INTU: variants seen among roughly 807,000 people sequenced by gnomAD.
INTU encodes the protein inturned planar cell polarity protein.
A neutral mutation model predicts 100.5 loss-of-function variants in INTU; 68 were observed. The ratio of observed to expected loss-of-function variants is 0.68; its 90% CI spans 0.56 to 0.83. The LOEUF (loss-of-function observed/expected upper bound fraction) is 0.83, where lower values mean the gene tolerates loss of function less well. Among genes scored for constraint, INTU ranks in the 40% least tolerant of loss-of-function variants. The probability of loss-of-function intolerance (pLI) is 0.00; values close to 1 mark genes in which losing one functional copy is unlikely to be tolerated. For missense variants in INTU, 1,071 were observed against 1,114.7 expected (o/e 0.96, Z 0.56); for synonymous variants, 357 against 395.7 (o/e 0.90, Z 1.16).
chr4:127,677,732 C>T lies in INTU; in HGVS notation c.1181+3519C>T, dbSNP rs555302743. On this transcript the variant is annotated intron_variant, in intron 6 of 15. Transcript: ENST00000335251. ...AAGGAACGCAGCTCCTCACCAGCAA[C>T]GGAACACAGCTGGACGGAGAATGAC... is the stretch of plus-strand genomic sequence containing the variant. 6.2e-4 allele frequency among the ~76,000 whole-genome samples: 94 copies of T among 152,302 alleles called. 1 individual carries two copies. The highest frequency in any genetic ancestry group is 2.1e-3 in the African/African-American group (86 of 41,560).
chr4:127,703,376 C>T (rs1427862229), intron 9 of INTU, among the ~76,000 whole-genome samples: 1 of 152,280 alleles, frequency 6.6e-6, no homozygotes, highest in East Asian at 1.9e-4. Context: ...CAAATACCTT[C>T]GCTTATCCCT....
At position 127,678,619 on chromosome 4, in the gene INTU, A is replaced by C. The variant is rs548810134; in HGVS notation, c.1181+4406A>C. ...GAAGGAAGCACTAAACATGGAAAGGAACAACTGGTACCGGCCACTGCAAAA... is the reference window on the plus strand; with the variant it reads ...GAAGGAAGCACTAAACATGGAAAGGCACAACTGGTACCGGCCACTGCAAAA... On this transcript the variant is annotated intron_variant, in intron 6 of 15. Transcript: ENST00000335251. 7.2e-5 allele frequency among the ~76,000 whole-genome samples: 11 copies of C among 152,340 alleles called. No individual in the cohort carries two copies. The South Asian group carries it at 2.3e-3, about 32-fold the overall frequency.
Position 127,656,695 on chromosome 4 carries a change from C to T in INTU, c.742C>T (p.Leu248=), listed in dbSNP as rs779286177. Residue 248 remains leucine, a synonymous_variant, in exon 3 of 16, where the codon CTG becomes TTG. Coordinates refer to ENST00000335251, the MANE Select transcript of INTU (RefSeq NM_015693.4). ...DVTTENIERV[L]SCIPGPMQVK... is the part of the protein sequence containing the mutation. ...TACTACTGAAAACATCGAGAGAGTT[C>T]TGTCTTGCATTCCTGGACCTATGCA... The T allele has an allele frequency of 6.2e-7, 1 of 1,610,216 alleles. No individual in the cohort carries two copies. The highest frequency in any genetic ancestry group is 8.5e-7 in the Non-Finnish European group (1 of 1,177,014).
intron 3 of INTU, among the ~76,000 whole-genome samples, chr4:127,662,850 T>C (rs1553974159): frequency 6.6e-6 from 1 of 152,216 alleles, no homozygotes; most frequent in Non-Finnish European, 1.5e-5. Context: ...TAGCGTTTAC[T>C]TTCCTTGGCC....
chr4:127,661,099 A>G (rs1259518089), intron 3 of INTU, among the ~76,000 whole-genome samples: 2 of 152,164 alleles, frequency 1.3e-5, no homozygotes, highest in African/African-American at 4.8e-5. Flanking sequence ...TCAGAAGAAT[A>G]GTGGCTGAAA....
At chr4:127,669,502 C>T (rs776441051) in intron 5 of INTU, among the ~76,000 whole-genome samples, 1 of 151,732 alleles carries the variant, frequency 6.6e-6, no homozygotes, top group Admixed American at 6.6e-5. Context: ...ATCTTTTAAG[C>T]ATGGCATTAT....
At chr4:127,695,481 T>C (rs1245656651) in intron 8 of INTU, among the ~76,000 whole-genome samples, 2 of 152,046 alleles carry the variant, frequency 1.3e-5, no homozygotes, top group African/African-American at 4.8e-5. Context: ...GTGGCACATG[T>C]CTATAGTGTC....
chr4:127,704,850 G>T (rs910780154), intron 10 of INTU, among the ~76,000 whole-genome samples: 3 of 151,976 alleles, frequency 2.0e-5, no homozygotes, highest in African/African-American at 7.2e-5. Flanking sequence ...CACTTTGGGG[G>T]GCCGAGGCAG....
chr4:127,650,587 A>C (rs1727809553), intron 2 of INTU, among the ~76,000 whole-genome samples: 1 of 151,944 alleles, frequency 6.6e-6, no homozygotes. Context: ...TCCATGGTGT[A>C]TATGTGCCAC....
Position 127,705,765 on chromosome 4 carries a change from G to A in INTU, c.1741G>A (p.Val581Ile). 1 of 1,614,092 alleles carries A rather than the reference G, an allele frequency of 6.2e-7. No homozygotes were observed. Among genetic ancestry groups the A allele is most frequent in the Non-Finnish European group, 8.5e-7 (1 of 1,179,958 alleles). The stretch of plus-strand genomic sequence containing the variant: ...ACCTTTGGCAGACTCAAGCACTGAA[G>A]TCTTTCCGGAACCTGAAGGAAGATA... ...LRPLADSSTEVFPEPEGRYFL... is the reference protein window; with the variant it reads ...LRPLADSSTEIFPEPEGRYFL... The change falls in exon 11 of 16, where the codon GTC becomes ATC. Residue 581 changes from valine (V) to isoleucine (I), a missense_variant. By Grantham distance (29) the Val-to-Ile change is conservative. Transcript: ENST00000335251.
intron 8 of INTU, among the ~76,000 whole-genome samples, chr4:127,698,791 A>C (rs1322658631): frequency 1.3e-5 from 2 of 152,200 alleles, no homozygotes; most frequent in Admixed American, 6.5e-5. Context: ...TAGCCTGTAG[A>C]GTTTAGTAGC....
chr4:127,640,590 T>TAC (rs1178126478), intron 1 of INTU, among the ~76,000 whole-genome samples: 10 of 23,962 alleles, frequency 4.2e-4, no homozygotes, highest in Admixed American at 2.5e-3. Flanking sequence ...TATATATATA[T>TAC]ACATATACAT....
intron 3 of INTU, among the ~76,000 whole-genome samples, chr4:127,660,225 A>G (rs532138659): frequency 7.0e-4 from 106 of 152,246 alleles, no homozygotes; most frequent in Middle Eastern, 3.4e-3. Context: ...GAAAGAGGAC[A>G]ATATTTTCTA....
At chr4:127,658,466 T>C (rs1460446685) in intron 3 of INTU, among the ~76,000 whole-genome samples, 1 of 152,160 alleles carries the variant, frequency 6.6e-6, no homozygotes, top group African/African-American at 2.4e-5. Flanking sequence ...TACTTCAGGG[T>C]GCTCAGACAG....
At chr4:127,656,803 G>A in intron 3 of INTU, 82 bp downstream of exon 3, 1 of 845,740 alleles carries the variant, frequency 1.2e-6, no homozygotes, top group South Asian at 2.1e-5. Context: ...TCCTTTTTAA[G>A]CGTCTGAAAA....
rs1731414526 is a variant in INTU, at chr4:127,726,235, G to C, written c.*9799G>C. 6.6e-6 allele frequency: 1 copy of C among 152,052 alleles called. No individual in the cohort carries two copies. Among genetic ancestry groups the C allele is most frequent in the Non-Finnish European group, 1.5e-5 (1 of 68,012 alleles). 9.4% of individuals were successfully genotyped at this position (152,052 alleles called of 1,614,324 possible). On this transcript the variant is annotated 3_prime_UTR_variant, in exon 16 of 16. Coordinates refer to ENST00000335251, the MANE Select transcript of INTU (RefSeq NM_015693.4). ...GGGAATGTTTCTTATTTGTGCCAAG[G>C]GACTATTGATGATGCTGTATAATGG...
intron 12 of INTU, among the ~76,000 whole-genome samples, chr4:127,707,392 C>CAAAAAAAAAAAAAAA (rs71587331): frequency 2.2e-5 from 1 of 44,584 alleles, no homozygotes; most frequent in Non-Finnish European, 3.8e-5. Flanking sequence ...GACTCTGTCT[C>CAAAAAAAAAAAAAAA]AAAAAAAAAA....
intron 4 of INTU, among the ~76,000 whole-genome samples, chr4:127,665,631 T>C (rs1336129700): frequency 6.6e-6 from 1 of 152,168 alleles, no homozygotes; most frequent in Non-Finnish European, 1.5e-5. Context: ...TTCATTTAAC[T>C]GTTCCTGGTC....
At position 127,687,910 on chromosome 4, in the gene INTU, T is replaced by C. The variant is rs758034893; in HGVS notation, c.1449+43T>C. 8 of 1,298,822 alleles carry C rather than the reference T, an allele frequency of 6.2e-6. No homozygotes were observed. In the Admixed American group the frequency reaches 2.0e-4, roughly 32 times the overall value. The allele number at this position is 1,298,822 out of a possible 1,614,324, so 80.5% of individuals were successfully genotyped here. On this transcript the variant is annotated intron_variant, in intron 8 of 15. Coordinates refer to ENST00000335251, the MANE Select transcript of INTU (RefSeq NM_015693.4). The stretch of plus-strand genomic sequence containing the variant: ...AAAGCAGAAGCAGAACCAGGTGCCT[T>C]ATTATAATCTTGTATCTTCTCTTTT...
Sources: allele counts gnomAD v4.1 joint callset (sites outside exome capture counted in the v4.1 genomes callset), GRCh38; gene constraint gnomAD v4.1.1; transcripts MANE v1.5; gene names NCBI Gene and HGNC (gene_info 2026-07-23, HGNC 2026-07-21).